The following IARS1 variants were observed in gnomAD, a reference collection of about 807,000 sequenced individuals.
IARS1 encodes isoleucyl-tRNA synthetase 1.
Under a neutral mutation model 168.2 loss-of-function variants are expected in IARS1, and 124 were observed. The ratio of observed to expected loss-of-function variants is 0.74; its 90% CI spans 0.64 to 0.86. The LOEUF (loss-of-function observed/expected upper bound fraction) is 0.86, where lower values mean the gene tolerates loss of function less well. Among genes scored for constraint, IARS1 ranks in the 40% least tolerant of loss-of-function variants. The pLI, the probability that IARS1 is intolerant of heterozygous loss-of-function variation, is 0.00. For synonymous variants in IARS1, 532 were observed against 529.4 expected, an observed-to-expected ratio of 1.00 and a Z score of -0.07; for missense variants, 1,452 against 1,515.8, an observed-to-expected ratio of 0.96 and a Z score of 0.70.
chr9:92,226,581 G>T (rs74400657), intron 31 of IARS1, among the ~76,000 whole-genome samples: 4,657 of 152,316 alleles, frequency 0.031, 110 homozygotes, highest in South Asian at 0.079. Context: ...TAAAAGAAAT[G>T]TACTGTCTCA....
chr9:92,234,237 T>C (rs148100795), intron 30 of IARS1, among the ~76,000 whole-genome samples: 3 of 152,354 alleles, frequency 2.0e-5, no homozygotes, highest in Non-Finnish European at 4.4e-5. Context: ...TCTATTCAAT[T>C]ACTTTGGAAA....
At chr9:92,281,473 T>C (rs961853182) in intron 6 of IARS1, among the ~76,000 whole-genome samples, 2 of 152,092 alleles carry the variant, frequency 1.3e-5, no homozygotes, top group African/African-American at 4.8e-5. Context: ...TAGGAACATA[T>C]GATGGAGGTT....
At chr9:92,236,742 G>C (rs113384801) in intron 30 of IARS1, among the ~76,000 whole-genome samples, 1 of 152,150 alleles carries the variant, frequency 6.6e-6, no homozygotes, top group African/African-American at 2.4e-5. Context: ...CCAGCTACTC[G>C]GGAGGCTGAG....
intron 7 of IARS1, among the ~76,000 whole-genome samples, chr9:92,279,999 T>C (rs945115361): frequency 6.6e-6 from 1 of 152,232 alleles, no homozygotes; most frequent in Non-Finnish European, 1.5e-5. Flanking sequence ...TGAATAATAT[T>C]CCACTGTACG....
chr9:92,256,085 T>C (rs1448262343), intron 20 of IARS1, among the ~76,000 whole-genome samples: 1 of 151,388 alleles, frequency 6.6e-6, no homozygotes, highest in African/African-American at 2.4e-5. Flanking sequence ...GAACAAGTGG[T>C]AGAGTTGGGC....
chr9:92,256,575 A>T (rs1830751853), intron 20 of IARS1, 105 bp downstream of exon 20: 1 of 1,165,544 alleles, frequency 8.6e-7, no homozygotes, highest in Admixed American at 2.3e-5. Flanking sequence ...GGAAACAATT[A>T]TTTAATTTTC....
intron 30 of IARS1, among the ~76,000 whole-genome samples, chr9:92,229,422 T>C (rs1174250472): frequency 1.3e-5 from 2 of 151,366 alleles, no homozygotes; most frequent in African/African-American, 4.9e-5. Flanking sequence ...TGGCAATCCT[T>C]GGTAGCTATG....
intron 26 of IARS1, 60 bp from the exon 27 acceptor site, chr9:92,245,131 C>A (rs1828998525): frequency 7.6e-7 from 1 of 1,310,446 alleles, no homozygotes; most frequent in South Asian, 1.2e-5. Context: ...TGCCCCACTA[C>A]CCGTGTATTA....
At position 92,242,261 on chromosome 9, in the gene IARS1, T is replaced by C. The variant is rs201431564; in HGVS notation, c.3070A>G (p.Ser1024Gly). 1 of 1,613,676 alleles carries C rather than the reference T, an allele frequency of 6.2e-7. No homozygotes were observed. Among genetic ancestry groups the C allele is most frequent in the Non-Finnish European group, 8.5e-7 (1 of 1,179,542 alleles). Reference protein sequence around the residue: ...KAKSEGTYLNSVIESHTEFIF... With the variant: ...KAKSEGTYLNGVIESHTEFIF... ...AACTCTGTGTGGCTTTCAATAACAC[T>C]ATTCAGATATGTTCCTTCAGACTTT... The change falls in exon 29 of 34, where the codon AGT (serine) becomes GGT (glycine). Residue 1024 changes from serine (S) to glycine (G), a missense_variant. By Grantham distance (56) the Ser-to-Gly change is moderately conservative (BLOSUM62 0). Transcript: ENST00000443024.
intron 30 of IARS1, among the ~76,000 whole-genome samples, chr9:92,236,376 T>TGGAAGAGTC (rs111248852): frequency 0.11 from 17,265 of 152,200 alleles, 1,099 homozygotes; most frequent in South Asian, 0.21. Flanking sequence ...TTCTATTTTC[T>TGGAAGAGTC]GGAAGAGTCT....
intron 26 of IARS1, among the ~76,000 whole-genome samples, chr9:92,247,065 G>A (rs1324032238): frequency 6.6e-6 from 1 of 152,026 alleles, no homozygotes; most frequent in Non-Finnish European, 1.5e-5. Context: ...ATGGTACTAC[G>A]TGCCTGTAAT....
At chr9:92,217,183 T>C (rs1178065999) in intron 33 of IARS1, among the ~76,000 whole-genome samples, 1 of 151,842 alleles carries the variant, frequency 6.6e-6, no homozygotes, top group Admixed American at 6.6e-5. Context: ...AATGGGTACA[T>C]AACAAAATGA....
chr9:92,263,524 C>T (rs1831836619), intron 16 of IARS1, among the ~76,000 whole-genome samples: 1 of 152,236 alleles, frequency 6.6e-6, no homozygotes, highest in South Asian at 2.1e-4. Flanking sequence ...TATGTGCTAC[C>T]TAGCTTGTTT....
chr9:92,290,220 T>C (rs1836096931), intron 1 of IARS1, among the ~76,000 whole-genome samples: 1 of 152,228 alleles, frequency 6.6e-6, no homozygotes, highest in Admixed American at 6.5e-5. Context: ...CAACACATCT[T>C]ATTGTCCATC....
chr9:92,250,450 C>G (rs766984437), intron 23 of IARS1, among the ~76,000 whole-genome samples, 161 bp from the exon 24 acceptor site: 26 of 152,210 alleles, frequency 1.7e-4, no homozygotes, highest in Non-Finnish European at 3.1e-4. Context: ...TACCACTCAG[C>G]ACCCGGCATC....
At chr9:92,233,627 T>C (rs1035036221) in intron 30 of IARS1, among the ~76,000 whole-genome samples, 8 of 152,236 alleles carry the variant, frequency 5.3e-5, no homozygotes, top group East Asian at 1.9e-4. Context: ...CACAGCAGGA[T>C]AGAAGATACA....
At position 92,249,944 on chromosome 9, in the gene IARS1, A is replaced by G. The variant is rs759060950; in HGVS notation, c.2533-3T>C. 4 of 1,563,170 alleles carry G rather than the reference A, an allele frequency of 2.6e-6. No homozygotes were observed. The highest frequency in any genetic ancestry group is 1.7e-4 in the Middle Eastern group (1 of 5,964). On this transcript the variant is annotated splice_region_variant and splice_polypyrimidine_tract_variant and intron_variant, in intron 24 of 33. Coordinates refer to ENST00000443024, the MANE Select transcript of IARS1 (RefSeq NM_002161.6). ...ACCACAATTTCTTTCAAAGGATACT[A>G]GGAGGAAAAGGGAGGGGAAAGTTCA...
chr9:92,221,211 A>G (rs2133387159), intron 33 of IARS1, among the ~76,000 whole-genome samples: 1 of 152,300 alleles, frequency 6.6e-6, no homozygotes, highest in Admixed American at 6.5e-5. Context: ...AAAGAGAATA[A>G]GAGGTAGGAT....
intron 1 of IARS1, among the ~76,000 whole-genome samples, chr9:92,293,249 C>A (rs565417649): frequency 2.6e-5 from 4 of 152,248 alleles, no homozygotes; most frequent in Non-Finnish European, 4.4e-5. Context: ...AGGCAAATAA[C>A]TGAAAACAAT....
Sources: gnomAD v4.1 joint callset for allele counts (sites outside exome capture counted in the v4.1 genomes callset) on GRCh38, gnomAD v4.1.1 for gene constraint, MANE v1.5 for transcripts, NCBI Gene and HGNC (gene_info 2026-07-23, HGNC 2026-07-21) for gene names.